The following GNG2 variants were observed in gnomAD, a reference collection of about 807,000 sequenced individuals.
GNG2 encodes G protein subunit gamma 2.
A neutral mutation model predicts 5.5 loss-of-function variants in GNG2; 5 were observed. That is an observed-to-expected ratio of 0.91 (90% confidence interval 0.48 to 1.92). The LOEUF is 1.92. GNG2 is among the 30% of genes most tolerant of loss of function. The pLI is 0.01. For synonymous variants in GNG2, 28 were observed against 32.0 expected, an observed-to-expected ratio of 0.88 and a Z score of 0.42; for missense variants, 55 against 88.4, an observed-to-expected ratio of 0.62 and a Z score of 1.52.
At position 51,966,209 on chromosome 14, in the gene GNG2, C is replaced by CAAAAAAAAAAAAAAA. The variant is rs34653524; in HGVS notation, c.88-336_88-322dup. Among the ~76,000 whole-genome samples, 5 of 28,144 alleles carry CAAAAAAAAAAAAAAA rather than the reference C, an allele frequency of 1.8e-4. 1 individual carries two copies. The highest frequency in any genetic ancestry group is 7.0e-4 in the Admixed American group (1 of 1,430). The allele number at this position is 28,144 out of a possible 152,430, so 18.5% of individuals were successfully genotyped here. A position where few individuals can be genotyped will look rare whatever the true frequency, so the allele number is the denominator to read the frequency against. On this transcript the variant is annotated intron_variant, in intron 3 of 3. Coordinates refer to ENST00000556766, the MANE Select transcript of GNG2 (RefSeq NM_053064.5). ...TGGGCAACAGAGCGAGACTGCATCTCAAAAAAAAAAAAAAAAAAAAAAAAA... is the reference window on the plus strand; with the variant it reads ...TGGGCAACAGAGCGAGACTGCATCTCAAAAAAAAAAAAAAAAAAAAAAAAAAAAAAAAAAAAAAAA...
intron 2 of GNG2, among the ~76,000 whole-genome samples, chr14:51,915,361 T>C (rs1213325002): frequency 6.6e-6 from 1 of 152,260 alleles, no homozygotes; most frequent in Non-Finnish European, 1.5e-5. Flanking sequence ...GTAATAATTA[T>C]GACTAACTTA....
chr14:51,956,237 G>T (rs570635722), intron 3 of GNG2, among the ~76,000 whole-genome samples: 2 of 152,258 alleles, frequency 1.3e-5, no homozygotes, highest in African/African-American at 4.8e-5. Context: ...GGTTCTGTGA[G>T]CTACTCTAGC....
chr14:51,938,095 G>A (rs533326483), intron 2 of GNG2, among the ~76,000 whole-genome samples: 3 of 152,248 alleles, frequency 2.0e-5, no homozygotes, highest in South Asian at 4.1e-4. Context: ...CATTAAGCAC[G>A]CAGTAAATCC....
chr14:51,877,841 T>C (rs1413669503), intron 2 of GNG2, 184 bp downstream of exon 2: 1 of 249,612 alleles, frequency 4.0e-6, no homozygotes, highest in East Asian at 1.1e-4. Context: ...TCTTTAATGA[T>C]AGTTAAAATT....
chr14:51,946,737 G>T (rs1888665361), intron 2 of GNG2, among the ~76,000 whole-genome samples: 1 of 151,928 alleles, frequency 6.6e-6, no homozygotes, highest in South Asian at 2.1e-4. Context: ...CTGGCCTGTG[G>T]AGATCCCCCA....
intron 2 of GNG2, among the ~76,000 whole-genome samples, chr14:51,881,700 A>AATT (rs1884082576): frequency 1.0e-5 from 1 of 98,098 alleles, no homozygotes; most frequent in Admixed American, 9.8e-5. Context: ...GAGCTGGAAG[A>AATT]CTTTTTTTTT....
At chr14:51,869,131 CA>C (rs1487307887) in intron 1 of GNG2, among the ~76,000 whole-genome samples, 1 of 152,104 alleles carries the variant, frequency 6.6e-6, no homozygotes, top group East Asian at 1.9e-4. Context: ...TAACATATGT[CA>C]AGAATTAAGT....
chr14:51,905,696 G>C (rs930000127), intron 2 of GNG2, among the ~76,000 whole-genome samples: 4 of 152,184 alleles, frequency 2.6e-5, no homozygotes, highest in African/African-American at 9.7e-5. Flanking sequence ...ATCTCATCTT[G>C]AGTTGTAGTT....
At chr14:51,841,419 AG>A in intron 2 of GNG2, 1 of 567,038 alleles carries the variant, frequency 1.8e-6, no homozygotes, top group East Asian at 2.9e-5. Flanking sequence ...ACAAACAAAA[AG>A]CCTGGCACTG....
At position 51,935,103 on chromosome 14, in the gene GNG2, T is replaced by C. The variant is rs376573352; in HGVS notation, c.-29-15547T>C. On this transcript the variant is annotated intron_variant, in intron 2 of 3. Coordinates refer to ENST00000556766, the MANE Select transcript of GNG2 (RefSeq NM_053064.5). The stretch of plus-strand genomic sequence containing the variant: ...GCAGTGGCGCAATCTCGGCTCACTG[T>C]AAGCTCTGCCTCCCGAGTTCACGCC... Among the ~76,000 whole-genome samples, 21 of 149,192 alleles carry C rather than the reference T, an allele frequency of 1.4e-4. No homozygotes were observed. In the South Asian group the frequency reaches 4.1e-3, roughly 29 times the overall value.
intron 1 of GNG2, among the ~76,000 whole-genome samples, chr14:51,867,840 C>A (rs1173845356): frequency 6.6e-6 from 1 of 152,170 alleles, no homozygotes; most frequent in Non-Finnish European, 1.5e-5. Flanking sequence ...CCTCTGAAAT[C>A]TTTTGTTCTT....
In GNG2 at chr14:51,889,109, C is replaced by CCTTTT. The variant is rs1445313036; in HGVS notation, c.-30+11452_-30+11453insCTTTT. ...GACTGCTAATGGGTATGGGTTTGCG[C>CCTTTT]TTTTTTTTTTTTTTTTTTTTTGAGA... On this transcript the variant is annotated intron_variant, in intron 2 of 3. Coordinates refer to ENST00000556766, the MANE Select transcript of GNG2 (RefSeq NM_053064.5). Among the ~76,000 whole-genome samples the CCTTTT allele has an allele frequency of 1.4e-4, 17 of 118,938 alleles. 7 individuals are homozygous for CCTTTT. Among genetic ancestry groups the CCTTTT allele is most frequent in the Non-Finnish European group, 1.8e-4 (10 of 56,462 alleles). The allele number at this position is 118,938 out of a possible 152,430, so 78.0% of individuals were successfully genotyped here.
intron 2 of GNG2, among the ~76,000 whole-genome samples, chr14:51,896,805 T>C (rs1489945200): frequency 6.6e-6 from 1 of 152,164 alleles, no homozygotes; most frequent in Non-Finnish European, 1.5e-5. Context: ...AACTTTAAAA[T>C]GCCACATAAA....
chr14:51,963,758 G>C (rs1051235730), intron 3 of GNG2, among the ~76,000 whole-genome samples: 1 of 152,150 alleles, frequency 6.6e-6, no homozygotes, highest in African/African-American at 2.4e-5. Context: ...ATAATCTGCT[G>C]AGCCTCAATT....
At chr14:51,866,445 T>C (rs1882896060) in intron 1 of GNG2, among the ~76,000 whole-genome samples, 1 of 152,250 alleles carries the variant, frequency 6.6e-6, no homozygotes, top group Non-Finnish European at 1.5e-5. Context: ...AGAAGGCACA[T>C]ATTACAGACT....
intron 2 of GNG2, among the ~76,000 whole-genome samples, chr14:51,888,150 T>C (rs940985350): frequency 1.3e-5 from 2 of 152,178 alleles, no homozygotes; most frequent in African/African-American, 4.8e-5. Flanking sequence ...CATCTCTCCC[T>C]TCTATCTCCA....
intron 2 of GNG2, among the ~76,000 whole-genome samples, chr14:51,931,651 A>G (rs1227367651): frequency 2.0e-5 from 3 of 152,196 alleles, no homozygotes; most frequent in Non-Finnish European, 4.4e-5. Flanking sequence ...TGAGAAAGAA[A>G]TGACAGGAAA....
intron 1 of GNG2, among the ~76,000 whole-genome samples, chr14:51,864,195 A>G (rs1882715704): frequency 6.6e-6 from 1 of 152,140 alleles, no homozygotes; most frequent in African/African-American, 2.4e-5. Flanking sequence ...TATGTTTTTG[A>G]TAATAGCCAT....
intron 2 of GNG2, among the ~76,000 whole-genome samples, chr14:51,926,548 C>T (rs1887332113): frequency 6.6e-6 from 1 of 152,174 alleles, no homozygotes; most frequent in Non-Finnish European, 1.5e-5. Context: ...GATACATGCA[C>T]TTGCCTTCTC....
Sources: gnomAD v4.1 joint callset for allele counts (sites outside exome capture counted in the v4.1 genomes callset) on GRCh38, gnomAD v4.1.1 for gene constraint, MANE v1.5 for transcripts, NCBI Gene and HGNC (gene_info 2026-07-23, HGNC 2026-07-21) for gene names.